The following SHISA6 variants were observed in gnomAD, a reference collection of about 807,000 sequenced individuals.
The protein encoded by SHISA6 is protein shisa-6.
SHISA6 carries 22 observed loss-of-function variants against 47.9 expected under a neutral mutation model. The observed-to-expected ratio is 0.46, with a 90% confidence interval of 0.33 to 0.66. SHISA6 has a LOEUF of 0.66. Ranked by LOEUF, SHISA6 falls within the 30% of genes least tolerant of loss-of-function variation. The pLI, the probability that SHISA6 is intolerant of heterozygous loss-of-function variation, is 0.02. For synonymous variants in SHISA6, 388 were observed against 337.8 expected (o/e 1.15, Z -1.63); for missense variants, 680 against 764.6 (o/e 0.89, Z 1.30).
intron 3 of SHISA6, among the ~76,000 whole-genome samples, chr17:11,540,468 A>G (rs2142378423): frequency 6.6e-6 from 1 of 152,280 alleles, no homozygotes; most frequent in African/African-American, 2.4e-5. Context: ...TGGGTTCCAG[A>G]AGCCACTCCT....
At chr17:11,304,388 C>T (rs902486317) in intron 2 of SHISA6, among the ~76,000 whole-genome samples, 1 of 152,178 alleles carries the variant, frequency 6.6e-6, no homozygotes, top group South Asian at 2.1e-4. Context: ...TTGATCTCAA[C>T]ACCTGCAGTC....
At chr17:11,423,059 A>G (rs1450347837) in intron 3 of SHISA6, among the ~76,000 whole-genome samples, 4 of 151,932 alleles carry the variant, frequency 2.6e-5, no homozygotes, top group African/African-American at 9.7e-5. Flanking sequence ...TTTTGTAGCT[A>G]TAAAAGGAGT....
At chr17:11,256,935 T>C (rs1908033338) in intron 1 of SHISA6, among the ~76,000 whole-genome samples, 1 of 152,194 alleles carries the variant, frequency 6.6e-6, no homozygotes, top group African/African-American at 2.4e-5. Flanking sequence ...AGAAACTCGC[T>C]CGGCTTGCCT....
intron 1 of SHISA6, among the ~76,000 whole-genome samples, chr17:11,255,714 C>T (rs972645178): frequency 1.3e-5 from 2 of 152,280 alleles, no homozygotes; most frequent in East Asian, 1.9e-4. Flanking sequence ...GGATGACCCA[C>T]GGCCACAGCT....
At chr17:11,545,376 C>T (rs1217559378) in intron 3 of SHISA6, among the ~76,000 whole-genome samples, 1 of 151,910 alleles carries the variant, frequency 6.6e-6, no homozygotes, top group Non-Finnish European at 1.5e-5. Flanking sequence ...GGTTGCCAGG[C>T]ATTAAGGAAG....
At chr17:11,301,594 C>T (rs539718795) in intron 2 of SHISA6, among the ~76,000 whole-genome samples, 2 of 152,332 alleles carry the variant, frequency 1.3e-5, no homozygotes, top group South Asian at 4.1e-4. Flanking sequence ...CAGTCAACCT[C>T]CTTGCCGTTC....
rs199505983 is a variant in SHISA6, at chr17:11,557,874, G to A, written c.1226G>A (p.Arg409Gln). The A allele has an allele frequency of 1.1e-4, 167 of 1,551,410 alleles. 1 individual carries two copies. In the Admixed American group the frequency reaches 1.3e-3, roughly 12 times the overall value. The part of the protein sequence containing the change: ...MSQQKPLPRE[R>Q]PRRPIRAMSQ... ...CAACAGAAGCCGTTGCCAAGGGAAC[G>A]ACCCCGCCGGCCCATCCGGGCCATG... Residue 409 changes from arginine to glutamine, a missense_variant, in exon 6 of 6, where the codon CGA (arginine) becomes CAA (glutamine). Physicochemically the swap from Arg to Gln is conservative, Grantham distance 43. This residue lies in a region of SHISA6 where 559 missense variants were observed against 674.1 expected (regional missense o/e 0.83). Coordinates refer to ENST00000441885, the MANE Select transcript of SHISA6 (RefSeq NM_207386.4).
intron 2 of SHISA6, among the ~76,000 whole-genome samples, chr17:11,340,873 TACAAGAAAGGAAG>T (rs1316166031): frequency 6.6e-6 from 1 of 152,130 alleles, no homozygotes; most frequent in African/African-American, 2.4e-5. Context: ...TTCCCAGAGG[TACAAGAAAGGAAG>T]ACAAGAAAGG....
chr17:11,337,139 A>G (rs1029672674), intron 2 of SHISA6, among the ~76,000 whole-genome samples: 2 of 152,174 alleles, frequency 1.3e-5, no homozygotes, highest in African/African-American at 4.8e-5. Flanking sequence ...AGGTTTTCCC[A>G]ACAGCAGAGT....
intron 2 of SHISA6, among the ~76,000 whole-genome samples, chr17:11,344,489 A>T (rs1418379611): frequency 1.3e-5 from 2 of 152,100 alleles, no homozygotes; most frequent in Non-Finnish European, 2.9e-5. Context: ...AGTCAGCTTC[A>T]TTATTTTGCA....
rs572358665 is a variant in SHISA6, at chr17:11,246,259, A to G, written c.638+4199A>G. On this transcript the variant is annotated intron_variant, in intron 1 of 5. Coordinates refer to ENST00000441885, the MANE Select transcript of SHISA6 (RefSeq NM_207386.4). ...TAATCCCAGCACTTTGGGAGGCCAG[A>G]GTGGGTGGATCATTAGGTCAGGAGA... Among the ~76,000 whole-genome samples the G allele has an allele frequency of 2.6e-5, 4 of 152,144 alleles. 1 individual carries two copies. Among genetic ancestry groups the G allele is most frequent in the African/African-American group, 7.2e-5 (3 of 41,510 alleles).
intron 2 of SHISA6, among the ~76,000 whole-genome samples, chr17:11,361,500 T>C (rs1912284886): frequency 6.6e-6 from 1 of 152,200 alleles, no homozygotes; most frequent in African/African-American, 2.4e-5. Flanking sequence ...CTCTCATGCA[T>C]GTCCGTGGAC....
chr17:11,423,647 A>G (rs1206411694), intron 3 of SHISA6, among the ~76,000 whole-genome samples: 1 of 152,170 alleles, frequency 6.6e-6, no homozygotes, highest in Admixed American at 6.5e-5. Context: ...AGAATCTCTG[A>G]AAGAAAAAAG....
intron 2 of SHISA6, among the ~76,000 whole-genome samples, chr17:11,377,837 G>A (rs1441149258): frequency 3.9e-5 from 6 of 152,110 alleles, no homozygotes; most frequent in East Asian, 1.9e-4. Context: ...GCCTAAGCCC[G>A]GACCCCACTC....
chr17:11,500,383 C>A (rs1597553603), intron 3 of SHISA6, among the ~76,000 whole-genome samples: 1 of 152,170 alleles, frequency 6.6e-6, no homozygotes, highest in Non-Finnish European at 1.5e-5. Context: ...GTAAATGGTG[C>A]CACCTGCCTG....
At chr17:11,347,745 G>A (rs903053805) in intron 2 of SHISA6, among the ~76,000 whole-genome samples, 1 of 152,152 alleles carries the variant, frequency 6.6e-6, no homozygotes, top group African/African-American at 2.4e-5. Flanking sequence ...CTACGAACAA[G>A]GAAGTGTCAG....
At chr17:11,403,731 C>T (rs1322947479) in intron 3 of SHISA6, among the ~76,000 whole-genome samples, 1 of 152,144 alleles carries the variant, frequency 6.6e-6, no homozygotes, top group African/African-American at 2.4e-5. Context: ...GGTTGACTAC[C>T]CCTGTAGTAC....
intron 2 of SHISA6, among the ~76,000 whole-genome samples, chr17:11,346,592 T>C (rs946270567): frequency 3.3e-5 from 5 of 152,208 alleles, no homozygotes; most frequent in African/African-American, 1.2e-4. Flanking sequence ...GACAGAATCA[T>C]CTGGGATCAA....
chr17:11,249,020 C>T (rs1316931408), intron 1 of SHISA6, among the ~76,000 whole-genome samples: 1 of 151,962 alleles, frequency 6.6e-6, no homozygotes, highest in Non-Finnish European at 1.5e-5. Flanking sequence ...CGCCTGTAGT[C>T]CCAGCTACTT....
Sources: allele counts gnomAD v4.1 joint callset (sites outside exome capture counted in the v4.1 genomes callset), GRCh38; gene constraint gnomAD v4.1.1; regional missense constraint gnomAD v4.1.1; transcripts MANE v1.5; gene names NCBI Gene and HGNC (gene_info 2026-07-23, HGNC 2026-07-21).